The following PTPRD variants were observed in gnomAD, a reference collection of about 807,000 sequenced individuals.
The protein encoded by PTPRD is protein tyrosine phosphatase receptor type D, also known as receptor-type tyrosine-protein phosphatase delta.
In PTPRD, 34 loss-of-function variants were observed where a neutral mutation model predicts 214.5. The ratio of observed to expected loss-of-function variants is 0.16; its 90% CI spans 0.12 to 0.21. PTPRD has a LOEUF of 0.21. Among genes scored for constraint, PTPRD ranks in the 10% least tolerant of loss-of-function variants. PTPRD has a pLI of 1.00. For missense variants in PTPRD, 2,545 were observed against 2,398.7 expected (o/e 1.06, Z -1.27); for synonymous variants, 1,128 against 845.7 (o/e 1.33, Z -5.79).
intron 22 of PTPRD, among the ~76,000 whole-genome samples, chr9:8,505,537 G>A (rs1313882539): frequency 1.3e-5 from 2 of 150,182 alleles, no homozygotes; most frequent in African/African-American, 2.5e-5. Context: ...CAGGAGGATG[G>A]CGTGAACCCA....
intron 9 of PTPRD, among the ~76,000 whole-genome samples, chr9:9,336,584 G>A (rs929452440): frequency 6.6e-6 from 1 of 152,002 alleles, no homozygotes; most frequent in Admixed American, 6.6e-5. Flanking sequence ...CTCTATATGG[G>A]TTGGCAGGTA....
intron 10 of PTPRD, among the ~76,000 whole-genome samples, chr9:9,113,165 G>A (rs1328596681): frequency 6.6e-6 from 1 of 151,380 alleles, no homozygotes; most frequent in Non-Finnish European, 1.5e-5. Context: ...TTTTAGAGAT[G>A]GGGTCTCACT....
intron 2 of PTPRD, among the ~76,000 whole-genome samples, chr9:10,477,711 C>T (rs192065825): frequency 3.3e-5 from 5 of 152,184 alleles, no homozygotes; most frequent in Admixed American, 2.6e-4. Context: ...TTCACAATAG[C>T]AAAGACTTGG....
At chr9:8,600,638 T>C (rs781397628) in intron 14 of PTPRD, among the ~76,000 whole-genome samples, 11 of 151,820 alleles carry the variant, frequency 7.2e-5, no homozygotes, top group Non-Finnish European at 1.6e-4. Context: ...AGGTCCCTGA[T>C]ATTTCTAGAC....
intron 2 of PTPRD, among the ~76,000 whole-genome samples, chr9:10,421,472 G>A (rs529952915): frequency 6.6e-6 from 1 of 151,768 alleles, no homozygotes; most frequent in Admixed American, 6.6e-5. Flanking sequence ...TTTCTGATTG[G>A]CTATAACAAC....
At chr9:9,613,135 CATATATATATATATATATATAT>C (rs67735335) in intron 7 of PTPRD, among the ~76,000 whole-genome samples, 5 of 47,926 alleles carry the variant, frequency 1.0e-4, no homozygotes, top group African/African-American at 4.4e-4. Context: ...TACATACATA[CATATATATATATATATATATAT>C]ATATATATAT....
intron 8 of PTPRD, among the ~76,000 whole-genome samples, chr9:9,538,111 A>C (rs968279006): frequency 6.6e-6 from 1 of 151,896 alleles, no homozygotes; most frequent in African/African-American, 2.4e-5. Flanking sequence ...CACTAGATCA[A>C]ATCAGAGCAT....
At chr9:8,653,619 T>G (rs2096855248) in intron 12 of PTPRD, among the ~76,000 whole-genome samples, 1 of 152,158 alleles carries the variant, frequency 6.6e-6, no homozygotes, top group African/African-American at 2.4e-5. Flanking sequence ...ATTCATGATC[T>G]ACAGCCTCAA....
chr9:10,300,293 T>G (rs1470854355), intron 3 of PTPRD, among the ~76,000 whole-genome samples: 2 of 152,140 alleles, frequency 1.3e-5, no homozygotes, highest in Admixed American at 1.3e-4. Context: ...CTGGTGCCTA[T>G]GCCACCAGGG....
chr9:8,939,157 T>C (rs541044413), intron 11 of PTPRD, among the ~76,000 whole-genome samples: 1 of 152,316 alleles, frequency 6.6e-6, no homozygotes, highest in African/African-American at 2.4e-5. Flanking sequence ...ATATTATTCA[T>C]GCTGATAATT....
intron 23 of PTPRD, among the ~76,000 whole-genome samples, chr9:8,501,628 G>A (rs2097410073): frequency 6.6e-6 from 1 of 151,992 alleles, no homozygotes; most frequent in African/African-American, 2.4e-5. Context: ...AACATAAGAG[G>A]GTTCACTCTA....
intron 2 of PTPRD, among the ~76,000 whole-genome samples, chr9:10,470,593 A>G (rs1375157626): frequency 1.3e-5 from 2 of 152,146 alleles, no homozygotes; most frequent in Non-Finnish European, 2.9e-5. Flanking sequence ...AATGGGATAG[A>G]CTAGGGTTTT....
chr9:10,190,911 A>G (rs2099361263), intron 3 of PTPRD, among the ~76,000 whole-genome samples: 1 of 152,082 alleles, frequency 6.6e-6, no homozygotes, highest in Non-Finnish European at 1.5e-5. Flanking sequence ...GAATCTAACT[A>G]AGGCACCAGT....
intron 5 of PTPRD, among the ~76,000 whole-genome samples, chr9:9,873,147 G>A (rs552552816): frequency 3.3e-5 from 5 of 152,164 alleles, no homozygotes; most frequent in African/African-American, 9.6e-5. Flanking sequence ...AGGAAGATCC[G>A]ACGAAGAAAT....
intron 8 of PTPRD, among the ~76,000 whole-genome samples, chr9:9,484,587 T>C (rs2095550483): frequency 6.6e-6 from 1 of 152,166 alleles, no homozygotes; most frequent in Non-Finnish European, 1.5e-5. Flanking sequence ...TGTTTATGGT[T>C]GTTATTGGTT....
intron 8 of PTPRD, among the ~76,000 whole-genome samples, chr9:9,442,988 T>A (rs2088795530): frequency 6.6e-6 from 1 of 152,188 alleles, no homozygotes. Context: ...TGTGTGTGTG[T>A]ATTTGCTTTT....
At chr9:10,059,093 G>GC (rs556469357) in intron 3 of PTPRD, among the ~76,000 whole-genome samples, 111 of 152,182 alleles carry the variant, frequency 7.3e-4, no homozygotes, top group African/African-American at 2.6e-3. Flanking sequence ...ATGTGTAGAG[G>GC]CAACTACTTC....
intron 5 of PTPRD, among the ~76,000 whole-genome samples, chr9:9,865,932 G>A (rs7341914): frequency 0.085 from 12,867 of 152,110 alleles, 1,284 homozygotes; most frequent in African/African-American, 0.25. Context: ...TGAAGACAGC[G>A]TCCCTCAGTG....
At chr9:9,643,238 G>T (rs564033490) in intron 7 of PTPRD, among the ~76,000 whole-genome samples, 1 of 152,080 alleles carries the variant, frequency 6.6e-6, no homozygotes, top group South Asian at 2.1e-4. Context: ...TTTTATACAG[G>T]GACATCATAC....
Sources: gnomAD v4.1 joint callset for allele counts (sites outside exome capture counted in the v4.1 genomes callset) on GRCh38, gnomAD v4.1.1 for gene constraint, MANE v1.5 for transcripts, NCBI Gene and HGNC (gene_info 2026-07-23, HGNC 2026-07-21) for gene names.